CCDC63: variants seen among roughly 807,000 people sequenced by gnomAD.
CCDC63 encodes the protein coiled-coil domain-containing protein 63.
In CCDC63, 54 loss-of-function variants were observed where a neutral mutation model predicts 63.6. The ratio of observed to expected loss-of-function variants is 0.85; its 90% CI spans 0.68 to 1.07. The LOEUF (loss-of-function observed/expected upper bound fraction) is 1.07, where lower values mean the gene tolerates loss of function less well. CCDC63 is among the 50% of genes least tolerant of loss of function. CCDC63 has a pLI of 0.00. For synonymous variants in CCDC63, 253 were observed against 266.1 expected (o/e 0.95, Z 0.48); for missense variants, 637 against 689.6 (o/e 0.92, Z 0.86).
At chr12:110,864,384 G>A (rs1042445434) in intron 4 of CCDC63, among the ~76,000 whole-genome samples, 6 of 149,810 alleles carry the variant, frequency 4.0e-5, no homozygotes, top group African/African-American at 1.2e-4. Flanking sequence ...GAGCCCAGGA[G>A]TTTGAGACCA....
At chr12:110,890,402 CTA>C (rs2071341437) in intron 8 of CCDC63, among the ~76,000 whole-genome samples, 1 of 151,938 alleles carries the variant, frequency 6.6e-6, no homozygotes, top group South Asian at 2.1e-4. Context: ...TGAAGCAATG[CTA>C]TGTTAGGAGA....
chr12:110,882,982 C>T (rs1324554591), intron 7 of CCDC63, among the ~76,000 whole-genome samples: 1 of 152,040 alleles, frequency 6.6e-6, no homozygotes, highest in East Asian at 1.9e-4. Flanking sequence ...CCCACTTTGC[C>T]CTCCCGAGTA....
At chr12:110,849,191 CCA>C (rs892496123) in intron 1 of CCDC63, among the ~76,000 whole-genome samples, 13 of 152,160 alleles carry the variant, frequency 8.5e-5, no homozygotes, top group African/African-American at 3.1e-4. Flanking sequence ...AAGGTATGGA[CCA>C]TGTCAGTTAG....
At chr12:110,850,370 T>C (rs761104488) in intron 1 of CCDC63, among the ~76,000 whole-genome samples, 16 of 152,210 alleles carry the variant, frequency 1.1e-4, no homozygotes, top group Non-Finnish European at 2.2e-4. Flanking sequence ...CACACAACAA[T>C]GCCACATGGA....
chr12:110,898,575 G>A (rs964282449), intron 9 of CCDC63, among the ~76,000 whole-genome samples: 2 of 148,420 alleles, frequency 1.3e-5, no homozygotes, highest in African/African-American at 5.0e-5. Context: ...CTGAGATCAT[G>A]CCACTGCACT....
chr12:110,880,161 C>A, intron 6 of CCDC63, 74 bp downstream of exon 6: 3 of 1,270,358 alleles, frequency 2.4e-6, no homozygotes, highest in Non-Finnish European at 1.1e-6. Flanking sequence ...CTACTCTGGG[C>A]CACCACTGTC....
chr12:110,885,655 A>C (rs1032821798), intron 8 of CCDC63, among the ~76,000 whole-genome samples: 37 of 152,042 alleles, frequency 2.4e-4, no homozygotes, highest in Admixed American at 1.4e-3. Context: ...CTTCTGATGA[A>C]ATCCTGCTCA....
At chr12:110,861,001 T>C (rs2070846171) in intron 4 of CCDC63, among the ~76,000 whole-genome samples, 2 of 152,034 alleles carry the variant, frequency 1.3e-5, no homozygotes, top group Non-Finnish European at 2.9e-5. Flanking sequence ...TTATAAATCA[T>C]GGTGGAAGGC....
chr12:110,898,535 T>C (rs917153626), intron 9 of CCDC63, among the ~76,000 whole-genome samples: 5 of 151,296 alleles, frequency 3.3e-5, no homozygotes, highest in Admixed American at 6.6e-5. Context: ...TGAGAATTGC[T>C]TGAACCTGGG....
At chr12:110,878,810 C>G (rs1466214402) in intron 5 of CCDC63, among the ~76,000 whole-genome samples, 1 of 152,142 alleles carries the variant, frequency 6.6e-6, no homozygotes, top group Non-Finnish European at 1.5e-5. Flanking sequence ...CTTTAGAAAC[C>G]TTCATCCTTT....
intron 4 of CCDC63, among the ~76,000 whole-genome samples, chr12:110,861,096 C>T (rs369541029): frequency 1.3e-5 from 2 of 152,082 alleles, no homozygotes; most frequent in African/African-American, 4.8e-5. Flanking sequence ...ACAACCAGAT[C>T]TCATGAGATT....
At chr12:110,899,439 C>T (rs2071457636) in intron 10 of CCDC63, among the ~76,000 whole-genome samples, 1 of 152,196 alleles carries the variant, frequency 6.6e-6, no homozygotes. Context: ...CCACCTCAGC[C>T]TCCAAAGTAG....
intron 7 of CCDC63, among the ~76,000 whole-genome samples, chr12:110,883,261 C>T (rs1032933482): frequency 3.3e-5 from 5 of 152,144 alleles, no homozygotes; most frequent in Admixed American, 3.3e-4. Context: ...TGGTCTCAGT[C>T]TCTTGACCTC....
At chr12:110,875,897 G>A (rs944633394) in intron 5 of CCDC63, among the ~76,000 whole-genome samples, 4 of 151,980 alleles carry the variant, frequency 2.6e-5, no homozygotes, top group Non-Finnish European at 4.4e-5. Context: ...TTTGAGGTCA[G>A]CCTGGCCACC....
intron 5 of CCDC63, among the ~76,000 whole-genome samples, chr12:110,874,737 C>G (rs1425108502): frequency 1.3e-5 from 2 of 152,146 alleles, no homozygotes; most frequent in South Asian, 4.1e-4. Context: ...ATTTCTGAAC[C>G]AATCAGGGTG....
At chr12:110,906,247 C>G (rs189712833) in intron 11 of CCDC63, among the ~76,000 whole-genome samples, 2 of 133,836 alleles carry the variant, frequency 1.5e-5, no homozygotes, top group Non-Finnish European at 1.5e-5. Context: ...AACCCTGATA[C>G]GTAATAAGAG....
intron 4 of CCDC63, among the ~76,000 whole-genome samples, chr12:110,861,115 G>A (rs184740053): frequency 2.0e-5 from 3 of 152,006 alleles, no homozygotes; most frequent in Non-Finnish European, 2.9e-5. Flanking sequence ...TTTCACTATC[G>A]CCAAGACAAT....
chr12:110,875,330 G>T (rs534272668), intron 5 of CCDC63, among the ~76,000 whole-genome samples: 22 of 152,312 alleles, frequency 1.4e-4, no homozygotes, highest in African/African-American at 5.3e-4. Flanking sequence ...GGTCCCATTG[G>T]TTAAGAATCA....
intron 4 of CCDC63, among the ~76,000 whole-genome samples, chr12:110,873,335 A>C (rs757852042): frequency 6.6e-6 from 1 of 152,234 alleles, no homozygotes; most frequent in Non-Finnish European, 1.5e-5. Context: ...AGGATGGAGG[A>C]GAAGTCTTGG....
Sources: gnomAD v4.1 joint callset for allele counts (sites outside exome capture counted in the v4.1 genomes callset) on GRCh38, gnomAD v4.1.1 for gene constraint, MANE v1.5 for transcripts, NCBI Gene and HGNC (gene_info 2026-07-23, HGNC 2026-07-21) for gene names.